Variants in WDHD1 observed in about 807,000 individuals in gnomAD.
The protein encoded by WDHD1 is WD repeat and HMG-box DNA-binding protein 1.
A neutral mutation model predicts 135.4 loss-of-function variants in WDHD1; 111 were observed. The observed-to-expected ratio is 0.82, with a 90% CI of 0.70 to 0.96. WDHD1 has a LOEUF of 0.96. WDHD1 is among the 40% of genes least tolerant of loss of function. WDHD1 has a pLI of 0.00. For synonymous variants in WDHD1, 434 were observed against 439.0 expected (o/e 0.99, Z 0.14); for missense variants, 1,351 against 1,336.3 (o/e 1.01, Z -0.17).
At chr14:55,020,098 T>C (rs149341510) in intron 2 of WDHD1, among the ~76,000 whole-genome samples, 75 of 152,300 alleles carry the variant, frequency 4.9e-4, no homozygotes, top group African/African-American at 1.6e-3. Context: ...AATCTCTATA[T>C]ACTCAGCTTT....
intron 16 of WDHD1, among the ~76,000 whole-genome samples, chr14:54,979,416 A>C (rs982900623): frequency 6.6e-6 from 1 of 152,314 alleles, no homozygotes; most frequent in South Asian, 2.1e-4. Flanking sequence ...TTGGGCTCCC[A>C]AAGTGTTGGG....
intron 21 of WDHD1, among the ~76,000 whole-genome samples, chr14:54,961,540 C>G (rs2041252070): frequency 6.6e-6 from 1 of 152,078 alleles, no homozygotes; most frequent in African/African-American, 2.4e-5. Flanking sequence ...TGCACCTTTG[C>G]CTTGCTGACT....
rs1306704033 is a variant in WDHD1, at chr14:54,955,712, A to T, written c.2917-18T>A. On this transcript the variant is annotated intron_variant, in intron 23 of 25. Transcript: ENST00000360586. Reference sequence around the variant, plus strand: ...GCAGATGCCTATAAAAACAAACATGAATACTGCAATAACATCTAGTATAAT... The same window carrying T: ...GCAGATGCCTATAAAAACAAACATGTATACTGCAATAACATCTAGTATAAT... 6.6e-7 allele frequency: 1 copy of T among 1,513,014 alleles called. No individual in the cohort carries two copies. Among genetic ancestry groups the T allele is most frequent in the Non-Finnish European group, 8.8e-7 (1 of 1,136,814 alleles). The allele number at this position is 1,513,014 out of a possible 1,614,324, so 93.7% of individuals were successfully genotyped here.
chr14:54,967,493 A>C, intron 16 of WDHD1, 99 bp from the exon 17 acceptor site: 1 of 705,044 alleles, frequency 1.4e-6, no homozygotes, highest in Non-Finnish European at 2.3e-6. Flanking sequence ...TAGAATAGTA[A>C]TATTATAATA....
intron 5 of WDHD1, 36 bp downstream of exon 5, chr14:55,008,572 A>G: frequency 6.5e-7 from 1 of 1,548,360 alleles, no homozygotes; most frequent in Non-Finnish European, 8.7e-7. Context: ...AAACATATTC[A>G]GGAAAAACAC....
intron 18 of WDHD1, among the ~76,000 whole-genome samples, chr14:54,964,462 AAC>A (rs899908729): frequency 2.6e-5 from 4 of 152,058 alleles, no homozygotes; most frequent in Admixed American, 6.6e-5. Flanking sequence ...AACACGGTGA[AAC>A]ACAGTCTCTA....
At position 54,957,040 on chromosome 14, in the gene WDHD1, A is replaced by C; in HGVS notation, c.2910T>G (p.Pro970=). 1.9e-6 allele frequency: 3 copies of C among 1,613,510 alleles called. No homozygotes were observed. The highest frequency in any genetic ancestry group is 2.5e-6 in the Non-Finnish European group (3 of 1,179,724). The change falls in exon 23 of 26, where the codon CCT becomes CCG. Residue 970 remains proline, a synonymous_variant. Coordinates refer to ENST00000360586, the MANE Select transcript of WDHD1 (RefSeq NM_007086.4). ...IIKPLIPKPK[P]KQASAASYFQ... is the part of the protein sequence containing the mutation. ...AGGGTAGCTGAAACAGTACCTGCTTAGGCTTCGGCTTTGGAATCAGAGGCT... is the reference window on the plus strand; with the variant it reads ...AGGGTAGCTGAAACAGTACCTGCTTCGGCTTCGGCTTTGGAATCAGAGGCT...
intron 7 of WDHD1, chr14:55,004,906 T>A: frequency 1.9e-6 from 1 of 524,672 alleles, no homozygotes; most frequent in African/African-American, 1.9e-5. Context: ...GCACTCCAGT[T>A]TTCAGGAGGG....
At position 54,981,723 on chromosome 14, in the gene WDHD1, G is replaced by C. The variant is rs779491604; in HGVS notation, c.1907-27C>G. On this transcript the variant is annotated intron_variant, in intron 15 of 25. Transcript: ENST00000360586. ...TAAACACCAACAGAAAAATCACTTG[G>C]AGACATAGCTACATGTTGTTAAAGG... 25 of 1,513,026 alleles carry C rather than the reference G, an allele frequency of 1.7e-5. No homozygotes were observed. The Admixed American group carries it at 2.4e-4, about 15-fold the overall frequency. The allele number at this position is 1,513,026 out of a possible 1,614,324, so 93.7% of individuals were successfully genotyped here.
chr14:54,951,687 C>T (rs376990051), intron 24 of WDHD1, among the ~76,000 whole-genome samples: 1 of 152,170 alleles, frequency 6.6e-6, no homozygotes, highest in African/African-American at 2.4e-5. Context: ...GCCTGGCAGA[C>T]ACACAACAAA....
intron 8 of WDHD1, among the ~76,000 whole-genome samples, chr14:55,001,628 A>G (rs2041982504): frequency 6.6e-6 from 1 of 152,224 alleles, no homozygotes; most frequent in Non-Finnish European, 1.5e-5. Flanking sequence ...ACAATTCAAG[A>G]CATCCTCTTA....
At position 54,958,105 on chromosome 14, in the gene WDHD1, T is replaced by C. The variant is rs1166800049; in HGVS notation, c.2702-470A>G. Among the ~76,000 whole-genome samples, 6 of 151,470 alleles carry C rather than the reference T, an allele frequency of 4.0e-5. No homozygotes were observed. In the East Asian group the frequency reaches 5.8e-4, roughly 15 times the overall value. On this transcript the variant is annotated intron_variant, in intron 21 of 25. Coordinates refer to ENST00000360586, the MANE Select transcript of WDHD1 (RefSeq NM_007086.4). ...CCCACATTCCTTCCAGTCACCATTT[T>C]CTCTCGCCTCCTCCATCCAGCCATT...
chr14:54,997,641 G>A (rs2041905431), intron 10 of WDHD1, among the ~76,000 whole-genome samples: 1 of 151,998 alleles, frequency 6.6e-6, no homozygotes, highest in African/African-American at 2.4e-5. Context: ...GGCCGGGCAT[G>A]GTGTCTCATG....
At chr14:54,977,442 T>A (rs946541941) in intron 16 of WDHD1, among the ~76,000 whole-genome samples, 1 of 152,212 alleles carries the variant, frequency 6.6e-6, no homozygotes, top group South Asian at 2.1e-4. Flanking sequence ...TTATCATGCC[T>A]GTAATCCCAG....
chr14:54,966,615 G>A lies in WDHD1; in HGVS notation c.2179-9C>T. On this transcript the variant is annotated splice_polypyrimidine_tract_variant and intron_variant, in intron 17 of 25. Transcript: ENST00000360586. Reference sequence around the variant, plus strand: ...GAACGCCAAAATTGCTCCTATAAAAGCAAATAAAATTGCTTAAGGCCAACT... The same window carrying A: ...GAACGCCAAAATTGCTCCTATAAAAACAAATAAAATTGCTTAAGGCCAACT... 6.3e-7 allele frequency: 1 copy of A among 1,596,840 alleles called. No homozygotes were observed. Among genetic ancestry groups the A allele is most frequent in the Non-Finnish European group, 8.5e-7 (1 of 1,174,592 alleles).
intron 10 of WDHD1, among the ~76,000 whole-genome samples, chr14:54,996,442 C>T (rs1298060930): frequency 1.3e-5 from 2 of 151,286 alleles, no homozygotes; most frequent in Non-Finnish European, 2.9e-5. Flanking sequence ...ACCTCATCTC[C>T]ACAAAAAATT....
chr14:54,990,914 A>G (rs946279690), intron 12 of WDHD1, among the ~76,000 whole-genome samples: 19 of 152,166 alleles, frequency 1.2e-4, no homozygotes, highest in South Asian at 4.1e-4. Flanking sequence ...ATGACCATGA[A>G]GAATAAGGTT....
chr14:55,025,855 C>G (rs550088750), intron 2 of WDHD1, among the ~76,000 whole-genome samples: 28 of 152,184 alleles, frequency 1.8e-4, no homozygotes, highest in Non-Finnish European at 2.9e-4. Context: ...CCAACATCAC[C>G]ACCCCACCGC....
intron 18 of WDHD1, among the ~76,000 whole-genome samples, chr14:54,963,542 C>T (rs542409855): frequency 3.3e-5 from 5 of 152,092 alleles, no homozygotes; most frequent in Non-Finnish European, 7.4e-5. Context: ...CGGTGGCTCA[C>T]GCCTGTAATA....
Sources: allele counts gnomAD v4.1 joint callset (sites outside exome capture counted in the v4.1 genomes callset), GRCh38; gene constraint gnomAD v4.1.1; transcripts MANE v1.5; gene names NCBI Gene and HGNC (gene_info 2026-07-23, HGNC 2026-07-21).